Variants in CCDC50 observed in about 807,000 individuals in gnomAD.
CCDC50 encodes coiled-coil domain containing 50, also known as coiled-coil domain-containing protein 50.
A neutral mutation model predicts 70.2 loss-of-function variants in CCDC50; 54 were observed. That is an observed-to-expected ratio of 0.77 (90% confidence interval 0.62 to 0.96). The LOEUF (loss-of-function observed/expected upper bound fraction) is 0.96. Ranked by LOEUF, CCDC50 falls within the 50% of genes least tolerant of loss-of-function variation. The pLI is 0.00. For missense variants in CCDC50, 558 were observed against 578.7 expected, an observed-to-expected ratio of 0.96 and a Z score of 0.37; for synonymous variants, 216 against 198.8, an observed-to-expected ratio of 1.09 and a Z score of -0.73.
Position 191,393,478 on chromosome 3 carries a change from G to A in CCDC50, c.*1718G>A, listed in dbSNP as rs1445864957. On this transcript the variant is annotated 3_prime_UTR_variant, in exon 12 of 12. Coordinates refer to ENST00000392455, the MANE Select transcript of CCDC50 (RefSeq NM_178335.3). ...CAGCTATTTAGAACAGTTTCTCAGAGTGGATTTGGGTCTCTCATTTGAGAA... is the reference window on the plus strand; with the variant it reads ...CAGCTATTTAGAACAGTTTCTCAGAATGGATTTGGGTCTCTCATTTGAGAA... The A allele has an allele frequency of 6.6e-6, 1 of 152,140 alleles. No homozygotes were observed. Among genetic ancestry groups the A allele is most frequent in the African/African-American group, 2.4e-5 (1 of 41,440 alleles). 9.4% of individuals were successfully genotyped at this position (152,140 alleles called of 1,614,324 possible).
chr3:191,372,649 A>T (rs1332087772), intron 5 of CCDC50, among the ~76,000 whole-genome samples: 1 of 152,132 alleles, frequency 6.6e-6, no homozygotes, highest in African/African-American at 2.4e-5. Context: ...ACTTTAATAC[A>T]TTATCTATTA....
chr3:191,353,760 G>A (rs1348654729), intron 1 of CCDC50, among the ~76,000 whole-genome samples: 1 of 135,562 alleles, frequency 7.4e-6, no homozygotes, highest in Admixed American at 7.6e-5. Context: ...GAGATTATAT[G>A]TTTGGAAACT....
chr3:191,332,020 C>T (rs1415959163), intron 1 of CCDC50, among the ~76,000 whole-genome samples: 1 of 152,108 alleles, frequency 6.6e-6, no homozygotes, highest in African/African-American at 2.4e-5. Flanking sequence ...TATGCAGTTA[C>T]AATTTATATT....
chr3:191,365,291 T>A (rs1159535739), intron 4 of CCDC50, among the ~76,000 whole-genome samples: 1 of 151,614 alleles, frequency 6.6e-6, no homozygotes, highest in African/African-American at 2.4e-5. Flanking sequence ...ATTGAAAAAA[T>A]GAATCTAGTA....
intron 5 of CCDC50, among the ~76,000 whole-genome samples, chr3:191,371,165 T>G (rs1291698114): frequency 6.6e-6 from 1 of 152,150 alleles, no homozygotes; most frequent in Non-Finnish European, 1.5e-5. Context: ...TTTTGATCCT[T>G]TCTTTGCTAT....
chr3:191,333,220 T>C (rs1400718465), intron 1 of CCDC50, among the ~76,000 whole-genome samples: 1 of 152,164 alleles, frequency 6.6e-6, no homozygotes, highest in Non-Finnish European at 1.5e-5. Context: ...CCTTTTTCTT[T>C]AGTGAAAGAT....
intron 4 of CCDC50, among the ~76,000 whole-genome samples, chr3:191,362,753 G>A (rs1043224455): frequency 2.6e-5 from 4 of 152,278 alleles, no homozygotes; most frequent in Middle Eastern, 3.4e-3. Flanking sequence ...TCTTGTTCCT[G>A]TAAGACTTCT....
chr3:191,370,083 T>G (rs1712846520), intron 5 of CCDC50, 47 bp downstream of exon 5: 1 of 1,305,440 alleles, frequency 7.7e-7, no homozygotes, highest in Admixed American at 1.7e-5. Context: ...GACTCAACCA[T>G]AAAACACTCC....
At chr3:191,335,602 A>C (rs148831721) in intron 1 of CCDC50, among the ~76,000 whole-genome samples, 1 of 152,156 alleles carries the variant, frequency 6.6e-6, no homozygotes, top group South Asian at 2.1e-4. Flanking sequence ...TCCTTCTGTC[A>C]TCATTTCGTT....
At chr3:191,382,907 T>C in intron 10 of CCDC50, 82 bp downstream of exon 10, 1 of 1,046,600 alleles carries the variant, frequency 9.6e-7, no homozygotes, top group South Asian at 1.3e-5. Flanking sequence ...GAAGAGTGTA[T>C]GTTTTTTGGA....
chr3:191,372,281 G>A (rs1307666625), intron 5 of CCDC50, among the ~76,000 whole-genome samples: 1 of 152,146 alleles, frequency 6.6e-6, no homozygotes, highest in East Asian at 1.9e-4. Flanking sequence ...AGACTTTGAG[G>A]GAGTTTTGAG....
Position 191,396,051 on chromosome 3 carries a change from T to A in CCDC50, c.*4291T>A, listed in dbSNP as rs1478423500. The A allele has an allele frequency of 6.6e-6, 1 of 152,072 alleles. No homozygotes were observed. Among genetic ancestry groups the A allele is most frequent in the Non-Finnish European group, 1.5e-5 (1 of 67,980 alleles). 9.4% of individuals were successfully genotyped at this position (152,072 alleles called of 1,614,324 possible). The stretch of plus-strand genomic sequence containing the variant: ...GGCGAGAGGTAAGAATATTAAAGAG[T>A]CAGGATATTGTTGCTCCTGGTATTT... On this transcript the variant is annotated 3_prime_UTR_variant, in exon 12 of 12. Coordinates refer to ENST00000392455, the MANE Select transcript of CCDC50 (RefSeq NM_178335.3).
chr3:191,374,715 GT>G (rs1713032172), intron 5 of CCDC50, among the ~76,000 whole-genome samples: 1 of 152,056 alleles, frequency 6.6e-6, no homozygotes, highest in African/African-American at 2.4e-5. Context: ...CTCTATACTA[GT>G]TTCAAATTGG....
At chr3:191,330,777 C>T (rs1016863170) in intron 1 of CCDC50, among the ~76,000 whole-genome samples, 1 of 152,072 alleles carries the variant, frequency 6.6e-6, no homozygotes, top group Non-Finnish European at 1.5e-5. Flanking sequence ...CTCAGGCCAG[C>T]CCAAAAATCT....
At chr3:191,385,694 TTGTTTTG>T (rs377150020) in intron 10 of CCDC50, among the ~76,000 whole-genome samples, 63,629 of 151,522 alleles carry the variant, frequency 0.42, 14,979 homozygotes, top group Non-Finnish European at 0.53. Context: ...ATTTGTTTAT[TTGTTTTG>T]GGGGTCTTCT....
At chr3:191,345,462 A>T (rs1711881568) in intron 1 of CCDC50, among the ~76,000 whole-genome samples, 2 of 151,226 alleles carry the variant, frequency 1.3e-5, no homozygotes, top group Non-Finnish European at 3.0e-5. Flanking sequence ...TCTTCCTCTC[A>T]CTCCAGATCA....
Position 191,380,157 on chromosome 3 carries a change from A to ATTTTTT in CCDC50, c.977-2_977-1insTTTTTT. The stretch of plus-strand genomic sequence containing the variant: ...ACATTGAGTTTTTTTTTTTTTTTAA[A>ATTTTTT]GGAATGAAGCCAAGAGTGATGAAAG... On this transcript the variant is annotated splice_acceptor_variant, in intron 6 of 11. Coordinates refer to ENST00000392455, the MANE Select transcript of CCDC50 (RefSeq NM_178335.3). LOFTEE classifies it high-confidence loss of function. 1 of 1,484,142 alleles carries ATTTTTT rather than the reference A, an allele frequency of 6.7e-7. No homozygotes were observed. The allele number at this position is 1,484,142 out of a possible 1,614,324, so 91.9% of individuals were successfully genotyped here. A position where few individuals can be genotyped will look rare whatever the true frequency, so the allele number is the denominator to read the frequency against.
chr3:191,387,252 G>A (rs1713527081), intron 10 of CCDC50, among the ~76,000 whole-genome samples: 1 of 152,120 alleles, frequency 6.6e-6, no homozygotes, highest in South Asian at 2.1e-4. Flanking sequence ...AGACATCCTG[G>A]TTTAAGTGTC....
intron 6 of CCDC50, among the ~76,000 whole-genome samples, chr3:191,376,600 T>C (rs543815273): frequency 5.4e-4 from 83 of 152,294 alleles, no homozygotes; most frequent in African/African-American, 2.0e-3. Context: ...TTATTTCTTA[T>C]TGAAGGACTT....
Sources: gnomAD v4.1 joint callset for allele counts (sites outside exome capture counted in the v4.1 genomes callset) on GRCh38, gnomAD v4.1.1 for gene constraint, MANE v1.5 for transcripts, NCBI Gene and HGNC (gene_info 2026-07-23, HGNC 2026-07-21) for gene names.